CENPW: variants seen among roughly 807,000 people sequenced by gnomAD.
The protein encoded by CENPW is cancer-up-regulated gene 2 protein.
CENPW carries 3 observed loss-of-function variants against 11.1 expected under a neutral mutation model. The observed-to-expected ratio is 0.27, with a 90% CI of 0.12 to 0.70. The LOEUF (loss-of-function observed/expected upper bound fraction) is 0.70, where lower values mean the gene tolerates loss of function less well. Ranked by LOEUF, CENPW falls within the 30% of genes least tolerant of loss-of-function variation. The pLI, the probability that CENPW is intolerant of heterozygous loss-of-function variation, is 0.77. For synonymous variants in CENPW, 38 were observed against 42.0 expected (o/e 0.91, Z 0.37); for missense variants, 100 against 105.6 (o/e 0.95, Z 0.23).
At chr6:126,404,727 GT>G in the CENPW span, among the ~76,000 whole-genome samples, 1 of 151,846 alleles carries the variant, frequency 6.6e-6, no homozygotes, top group Non-Finnish European at 1.5e-5. Flanking sequence ...ATGATATTGT[GT>G]TTGTGATTTG....
chr6:126,412,826 C>T, the CENPW span, among the ~76,000 whole-genome samples: 4 of 152,046 alleles, frequency 2.6e-5, no homozygotes, highest in South Asian at 6.2e-4. Context: ...TTTTCTGCCT[C>T]TTCAGACTTA....
At chr6:126,385,968 T>A in the CENPW span, among the ~76,000 whole-genome samples, 1 of 152,060 alleles carries the variant, frequency 6.6e-6, no homozygotes, top group Non-Finnish European at 1.5e-5. Context: ...TAAGCTAAAC[T>A]TTCAGATAAC....
At chr6:126,468,568 T>A in the CENPW span, among the ~76,000 whole-genome samples, 6 of 151,854 alleles carry the variant, frequency 4.0e-5, no homozygotes, top group Non-Finnish European at 7.4e-5. Context: ...TGATAATGTA[T>A]CATTGTTAGT....
chr6:126,452,671 A>G, the CENPW span, among the ~76,000 whole-genome samples: 2 of 151,192 alleles, frequency 1.3e-5, no homozygotes, highest in African/African-American at 4.8e-5. Flanking sequence ...AATTCATGCT[A>G]TCAGAGTGCC....
chr6:126,451,523 T>C, the CENPW span, among the ~76,000 whole-genome samples: 115 of 151,136 alleles, frequency 7.6e-4, no homozygotes, highest in African/African-American at 2.7e-3. Flanking sequence ...TAATATAAGA[T>C]TCTTGAGTTA....
chr6:126,372,341 A>G, the CENPW span, among the ~76,000 whole-genome samples: 1 of 152,184 alleles, frequency 6.6e-6, no homozygotes, highest in Admixed American at 6.5e-5. Flanking sequence ...TAACATCTTT[A>G]AATTTAAAAT....
chr6:126,399,274 G>T, the CENPW span, among the ~76,000 whole-genome samples: 1 of 152,024 alleles, frequency 6.6e-6, no homozygotes, highest in East Asian at 1.9e-4. Flanking sequence ...CCATCAACAG[G>T]GTATATTATT....
chr6:126,420,067 G>A, the CENPW span, among the ~76,000 whole-genome samples: 2 of 152,134 alleles, frequency 1.3e-5, no homozygotes, highest in African/African-American at 4.8e-5. Flanking sequence ...ATGCCATAAA[G>A]AACAGCTGAC....
At chr6:126,473,421 A>G in the CENPW span, among the ~76,000 whole-genome samples, 1 of 152,038 alleles carries the variant, frequency 6.6e-6, no homozygotes, top group Non-Finnish European at 1.5e-5. Flanking sequence ...TTTCCTCTTT[A>G]ACCCATGCTA....
At chr6:126,451,892 T>C in the CENPW span, among the ~76,000 whole-genome samples, 1 of 151,054 alleles carries the variant, frequency 6.6e-6, no homozygotes, top group Non-Finnish European at 1.5e-5. Context: ...AATAGAAAAT[T>C]AATTCCTGAG....
the CENPW span, among the ~76,000 whole-genome samples, chr6:126,384,292 A>G: frequency 6.6e-6 from 1 of 152,068 alleles, no homozygotes; most frequent in Non-Finnish European, 1.5e-5. Flanking sequence ...AAAAATTTAT[A>G]TGGAACCAAA....
chr6:126,471,158 A>C, the CENPW span, among the ~76,000 whole-genome samples: 1 of 152,164 alleles, frequency 6.6e-6, no homozygotes, highest in Non-Finnish European at 1.5e-5. Context: ...CTTATCTTGA[A>C]TTGTAATCCC....
At chr6:126,348,320 T>G in intron 2 of CENPW, 146 bp from the exon 3 acceptor site, 1 of 553,186 alleles carries the variant, frequency 1.8e-6, no homozygotes, top group Non-Finnish European at 3.2e-6. Context: ...CCTAATCACC[T>G]GGAAGGTGAT....
the CENPW span, among the ~76,000 whole-genome samples, chr6:126,455,112 T>G: frequency 1.3e-4 from 19 of 151,364 alleles, no homozygotes; most frequent in African/African-American, 4.6e-4. Context: ...CAGGACCAAA[T>G]GGATTTACAG....
the CENPW span, among the ~76,000 whole-genome samples, chr6:126,405,008 A>T: frequency 6.6e-6 from 1 of 151,878 alleles, no homozygotes; most frequent in Non-Finnish European, 1.5e-5. Context: ...TCTTAGTTTG[A>T]TGTAGTCTCA....
chr6:126,430,119 A>G, the CENPW span, among the ~76,000 whole-genome samples: 1 of 152,130 alleles, frequency 6.6e-6, no homozygotes, highest in Non-Finnish European at 1.5e-5. Flanking sequence ...CTGTGTATGT[A>G]CCTGGAATAG....
At chr6:126,473,912 G>A in the CENPW span, among the ~76,000 whole-genome samples, 4 of 128,746 alleles carry the variant, frequency 3.1e-5, no homozygotes, top group Non-Finnish European at 6.6e-5. Flanking sequence ...TAGAATATAT[G>A]CATAGCATAG....
At chr6:126,368,961 G>C in the CENPW span, among the ~76,000 whole-genome samples, 1 of 151,974 alleles carries the variant, frequency 6.6e-6, no homozygotes, top group African/African-American at 2.4e-5. Context: ...TCCCTCAAGT[G>C]CCTAGTCCAT....
At chr6:126,384,415 T>A in the CENPW span, among the ~76,000 whole-genome samples, 3 of 152,082 alleles carry the variant, frequency 2.0e-5, no homozygotes, top group Admixed American at 2.0e-4. Context: ...CATGGTACTA[T>A]TACAAAAACA....
Sources: allele counts gnomAD v4.1 joint callset (sites outside exome capture counted in the v4.1 genomes callset), GRCh38; gene constraint gnomAD v4.1.1; transcripts MANE v1.5; gene names NCBI Gene and HGNC (gene_info 2026-07-23, HGNC 2026-07-21).